The following CDH13 variants were observed in gnomAD, a reference collection of about 807,000 sequenced individuals.
CDH13 encodes the protein cadherin-13.
Under a neutral mutation model 63.8 loss-of-function variants are expected in CDH13, and 24 were observed. The ratio of observed to expected loss-of-function variants is 0.38; its 90% CI spans 0.27 to 0.53. CDH13 has a LOEUF of 0.53. Ranked by LOEUF, CDH13 falls within the 20% of genes least tolerant of loss-of-function variation. The probability of loss-of-function intolerance (pLI) is 0.85; values close to 1 mark genes in which losing one functional copy is unlikely to be tolerated. For missense variants in CDH13, 1,049 were observed against 903.1 expected (o/e 1.16, Z -2.07); for synonymous variants, 503 against 355.3 (o/e 1.42, Z -4.67).
intron 2 of CDH13, among the ~76,000 whole-genome samples, chr16:82,950,328 AT>A (rs201964809): frequency 2.0e-5 from 3 of 151,680 alleles, no homozygotes; most frequent in South Asian, 2.1e-4. Context: ...CAAATCTCCC[AT>A]TTTTTTTGGT....
chr16:82,913,864 G>T (rs1489968594), intron 2 of CDH13, among the ~76,000 whole-genome samples: 1 of 152,094 alleles, frequency 6.6e-6, no homozygotes, highest in African/African-American at 2.4e-5. Context: ...GTAACCACTC[G>T]GAGCACCTGG....
At chr16:83,673,873 C>T (rs1377822462) in intron 9 of CDH13, among the ~76,000 whole-genome samples, 2 of 152,172 alleles carry the variant, frequency 1.3e-5, no homozygotes, top group Non-Finnish European at 2.9e-5. Context: ...CCTGCAAATT[C>T]CAGGGGAAGA....
intron 1 of CDH13, among the ~76,000 whole-genome samples, chr16:82,745,039 G>A (rs570137754): frequency 2.6e-5 from 4 of 152,290 alleles, no homozygotes; most frequent in African/African-American, 9.6e-5. Flanking sequence ...TGGCAGAAAT[G>A]CAATCTAGTG....
chr16:83,485,980 C>A (rs2151562600), intron 6 of CDH13, among the ~76,000 whole-genome samples: 1 of 152,144 alleles, frequency 6.6e-6, no homozygotes, highest in East Asian at 1.9e-4. Flanking sequence ...CCATTTATAC[C>A]AAAAATACAA....
chr16:83,341,925 C>T (rs960101316), intron 5 of CDH13, among the ~76,000 whole-genome samples: 3 of 151,460 alleles, frequency 2.0e-5, no homozygotes, highest in Non-Finnish European at 2.9e-5. Context: ...ATTCAAGCCT[C>T]AGCTGAAACA....
At chr16:83,619,300 C>T (rs952173706) in intron 8 of CDH13, among the ~76,000 whole-genome samples, 4 of 152,162 alleles carry the variant, frequency 2.6e-5, no homozygotes, top group Non-Finnish European at 4.4e-5. Context: ...GCACATCGAT[C>T]CTGAATGACC....
At chr16:82,727,698 A>G (rs894182792) in intron 1 of CDH13, 2 of 152,200 alleles carry the variant, frequency 1.3e-5, no homozygotes, top group African/African-American at 4.8e-5. Context: ...TGCTAGGACA[A>G]AAAAAAGAAA....
At chr16:83,502,660 G>A (rs766171798) in intron 7 of CDH13, among the ~76,000 whole-genome samples, 2 of 152,190 alleles carry the variant, frequency 1.3e-5, no homozygotes, top group Non-Finnish European at 2.9e-5. Context: ...AAATACATTA[G>A]TTTTGGGGGC....
At chr16:83,134,831 A>G (rs933800521) in intron 4 of CDH13, among the ~76,000 whole-genome samples, 1 of 152,188 alleles carries the variant, frequency 6.6e-6, no homozygotes, top group African/African-American at 2.4e-5. Context: ...AAATACATAT[A>G]TATGCAAAAC....
intron 5 of CDH13, among the ~76,000 whole-genome samples, chr16:83,260,952 G>T (rs892739278): frequency 2.6e-5 from 4 of 152,090 alleles, no homozygotes; most frequent in Non-Finnish European, 5.9e-5. Flanking sequence ...GGGAGCTCTG[G>T]GCTTTGGTAG....
Position 83,249,176 on chromosome 16 carries a change from C to A in CDH13, c.636+31679C>A, listed in dbSNP as rs1371108496. On this transcript the variant is annotated intron_variant, in intron 5 of 13. Transcript: ENST00000567109. ...TTTTGCAAGTTATTAATATATGTCA[C>A]ACAGAGCCTGTTTCTCATATTTATT... Among the ~76,000 whole-genome samples the A allele has an allele frequency of 3.3e-5, 5 of 152,344 alleles. No homozygotes were observed. In the South Asian group the frequency reaches 1.0e-3, roughly 32 times the overall value.
At chr16:82,639,352 T>C (rs972759776) in intron 1 of CDH13, 85 of 1,532,734 alleles carry the variant, frequency 5.5e-5, no homozygotes, top group Non-Finnish European at 7.3e-5. Context: ...GTCCTTGCTT[T>C]TGACCAGGGC....
At chr16:83,545,303 G>C (rs2075366109) in intron 7 of CDH13, among the ~76,000 whole-genome samples, 1 of 152,132 alleles carries the variant, frequency 6.6e-6, no homozygotes. Context: ...CGATGTTAAT[G>C]AAGAAGGAAA....
At chr16:83,760,471 T>C (rs560977644) in intron 11 of CDH13, among the ~76,000 whole-genome samples, 3 of 152,324 alleles carry the variant, frequency 2.0e-5, no homozygotes, top group African/African-American at 7.2e-5. Flanking sequence ...TAATAAATTG[T>C]GATACATTCA....
intron 7 of CDH13, among the ~76,000 whole-genome samples, chr16:83,543,295 T>A (rs1277293994): frequency 6.6e-6 from 1 of 152,224 alleles, no homozygotes; most frequent in East Asian, 1.9e-4. Flanking sequence ...CCTCATTACA[T>A]ATTTTAAAAA....
chr16:83,097,279 A>G (rs1468040634), intron 3 of CDH13, among the ~76,000 whole-genome samples: 2 of 152,162 alleles, frequency 1.3e-5, no homozygotes, highest in East Asian at 3.8e-4. Flanking sequence ...ATAATCTCAC[A>G]TTGTCTCTAA....
intron 1 of CDH13, among the ~76,000 whole-genome samples, chr16:82,842,094 ATATATATATATATATATG>A (rs1270868117): frequency 0.055 from 1,671 of 30,614 alleles, 44 homozygotes; most frequent in African/African-American, 0.077. Flanking sequence ...CATTCTACAT[ATATATATATATATATATG>A]TATATATATA....
chr16:83,147,884 G>A (rs1332149828), intron 4 of CDH13, among the ~76,000 whole-genome samples: 1 of 152,102 alleles, frequency 6.6e-6, no homozygotes, highest in Non-Finnish European at 1.5e-5. Context: ...AAATTCAATG[G>A]AATTAGTATG....
At chr16:83,036,605 C>T (rs1916881010) in intron 3 of CDH13, among the ~76,000 whole-genome samples, 1 of 152,114 alleles carries the variant, frequency 6.6e-6, no homozygotes. Context: ...AGTGCCCTTC[C>T]CACTTTCCCT....
Sources: gnomAD v4.1 joint callset for allele counts (sites outside exome capture counted in the v4.1 genomes callset) on GRCh38, gnomAD v4.1.1 for gene constraint, MANE v1.5 for transcripts, NCBI Gene and HGNC (gene_info 2026-07-23, HGNC 2026-07-21) for gene names.